NCKAP5: variants seen among roughly 807,000 people sequenced by gnomAD.
NCKAP5 encodes the protein nck-associated protein 5.
In NCKAP5, 92 loss-of-function variants were observed where a neutral mutation model predicts 167.0. That is an observed-to-expected ratio of 0.55 (90% confidence interval 0.47 to 0.66). The LOEUF is 0.66. NCKAP5 is among the 30% of genes least tolerant of loss of function. The probability of loss-of-function intolerance (pLI) is 0.00; values close to 1 mark genes in which losing one functional copy is unlikely to be tolerated. For synonymous variants in NCKAP5, 891 were observed against 877.4 expected (o/e 1.02, Z -0.27); for missense variants, 2,378 against 2,315.0 (o/e 1.03, Z -0.56).
chr2:133,318,856 T>G (rs967742003), intron 3 of NCKAP5, among the ~76,000 whole-genome samples: 1 of 152,044 alleles, frequency 6.6e-6, no homozygotes, highest in African/African-American at 2.4e-5. Context: ...TAGCCTCCAC[T>G]GAACACCCAC....
At position 132,783,317 on chromosome 2, in the gene NCKAP5, G is replaced by A. The variant is rs1043761298; in HGVS notation, c.3494C>T (p.Thr1165Ile). Residue 1165 changes from threonine (T) to isoleucine (I), a missense_variant, in exon 14 of 20, where the codon ACC (threonine) becomes ATC (isoleucine). Transcript: ENST00000409261. ...GTCTTTTTCATGTTTCCCTGGCACG[G>A]TGGAACTTTTCCTGAGCAGCTGGGG... ...KSPQLLRKSSTVPGKHEKDSL... is the reference protein window; with the variant it reads ...KSPQLLRKSSIVPGKHEKDSL... 7 of 1,613,796 alleles carry A rather than the reference G, an allele frequency of 4.3e-6. No individual in the cohort carries two copies. Among genetic ancestry groups the A allele is most frequent in the Non-Finnish European group, 5.9e-6 (7 of 1,179,902 alleles).
chr2:133,033,580 T>C (rs557085378), intron 6 of NCKAP5, among the ~76,000 whole-genome samples: 1 of 152,246 alleles, frequency 6.6e-6, no homozygotes, highest in East Asian at 1.9e-4. Context: ...GAATTCAAAA[T>C]AGCTGCGTTG....
chr2:133,459,342 A>C (rs1185624519), intron 3 of NCKAP5, among the ~76,000 whole-genome samples: 4 of 152,142 alleles, frequency 2.6e-5, no homozygotes, highest in South Asian at 2.1e-4. Flanking sequence ...ATTTCGCCCA[A>C]ATTGAGAGGT....
chr2:132,912,358 A>G (rs1694519669), intron 8 of NCKAP5, among the ~76,000 whole-genome samples: 1 of 152,216 alleles, frequency 6.6e-6, no homozygotes, highest in Non-Finnish European at 1.5e-5. Context: ...ATAACCCATA[A>G]TAAAACTTTG....
intron 3 of NCKAP5, among the ~76,000 whole-genome samples, chr2:133,487,043 G>T (rs776143487): frequency 6.6e-6 from 1 of 152,132 alleles, no homozygotes; most frequent in Non-Finnish European, 1.5e-5. Context: ...GTCTTTGAAA[G>T]ACTGGCTCAA....
chr2:133,416,954 T>C (rs545352054), intron 3 of NCKAP5, among the ~76,000 whole-genome samples: 1 of 152,304 alleles, frequency 6.6e-6, no homozygotes, highest in African/African-American at 2.4e-5. Flanking sequence ...CTTGCACGCA[T>C]CTGAGGGTGG....
intron 3 of NCKAP5, among the ~76,000 whole-genome samples, chr2:133,452,364 T>C (rs1691603224): frequency 6.6e-6 from 1 of 152,120 alleles, no homozygotes; most frequent in Non-Finnish European, 1.5e-5. Context: ...AATGGGATTA[T>C]GGGATCAGGG....
At chr2:133,647,675 AAAGG>A in the NCKAP5 span, among the ~76,000 whole-genome samples, 138 of 133,274 alleles carry the variant, frequency 1.0e-3, no homozygotes, top group Middle Eastern at 3.8e-3. Flanking sequence ...GAGAGGAAAG[AAAGG>A]AAGGAAGGAA....
At chr2:132,789,963 G>T in intron 13 of NCKAP5, 60 bp downstream of exon 13, 2 of 1,506,700 alleles carry the variant, frequency 1.3e-6, no homozygotes, top group South Asian at 2.6e-5. Context: ...TCATCTCCAT[G>T]ACCAAATCCT....
chr2:133,033,348 G>A (rs375396301), intron 6 of NCKAP5, among the ~76,000 whole-genome samples: 77 of 152,290 alleles, frequency 5.1e-4, no homozygotes, highest in East Asian at 1.4e-3. Flanking sequence ...TCACAACACC[G>A]AAGTCCTTTC....
intron 2 of NCKAP5, among the ~76,000 whole-genome samples, chr2:133,534,800 C>T (rs1455617676): frequency 2.0e-5 from 3 of 152,110 alleles, no homozygotes; most frequent in South Asian, 4.1e-4. Flanking sequence ...TCCTGTACAA[C>T]TTTTTATATG....
intron 5 of NCKAP5, among the ~76,000 whole-genome samples, chr2:133,208,716 C>G (rs1180856762): frequency 6.6e-6 from 1 of 152,080 alleles, no homozygotes; most frequent in Non-Finnish European, 1.5e-5. Context: ...GACAAGTGTA[C>G]CATGCTAATG....
chr2:133,611,261 C>G, the NCKAP5 span, among the ~76,000 whole-genome samples: 2 of 149,832 alleles, frequency 1.3e-5, no homozygotes, highest in African/African-American at 4.9e-5. Flanking sequence ...CCCTCAACCT[C>G]CACCCGCCAC....
At chr2:132,911,949 G>C (rs756860665) in intron 8 of NCKAP5, among the ~76,000 whole-genome samples, 53 of 152,026 alleles carry the variant, frequency 3.5e-4, no homozygotes, top group Non-Finnish European at 6.3e-4. Flanking sequence ...GTGGTTGGAG[G>C]CACGCCCACA....
At chr2:132,932,948 A>G (rs1236760845) in intron 8 of NCKAP5, among the ~76,000 whole-genome samples, 3 of 139,900 alleles carry the variant, frequency 2.1e-5, no homozygotes, top group Non-Finnish European at 4.5e-5. Flanking sequence ...TTTTTGAGAC[A>G]GAATCTCGCT....
chr2:133,533,656 C>T (rs34705757), intron 2 of NCKAP5, among the ~76,000 whole-genome samples: 35,597 of 152,062 alleles, frequency 0.23, 4,803 homozygotes, highest in Non-Finnish European at 0.29. Context: ...GATTTACTCT[C>T]CTTTTACATG....
intron 5 of NCKAP5, among the ~76,000 whole-genome samples, chr2:133,178,110 T>C (rs966934113): frequency 6.6e-6 from 1 of 152,160 alleles, no homozygotes; most frequent in South Asian, 2.1e-4. Context: ...ATAAAGAACC[T>C]GGACTAGTTT....
chr2:133,211,607 ATC>A (rs1323794006), intron 5 of NCKAP5, among the ~76,000 whole-genome samples: 4 of 152,202 alleles, frequency 2.6e-5, no homozygotes, highest in Non-Finnish European at 5.9e-5. Flanking sequence ...TACATTGAAT[ATC>A]TGTCTCACCA....
chr2:133,256,559 T>C (rs2088628503), intron 4 of NCKAP5, among the ~76,000 whole-genome samples: 1 of 152,194 alleles, frequency 6.6e-6, no homozygotes, highest in South Asian at 2.1e-4. Flanking sequence ...AGGTCAATAT[T>C]CTCACAAGCA....
Sources: allele counts gnomAD v4.1 joint callset (sites outside exome capture counted in the v4.1 genomes callset), GRCh38; gene constraint gnomAD v4.1.1; transcripts MANE v1.5; gene names NCBI Gene and HGNC (gene_info 2026-07-23, HGNC 2026-07-21).